The following SNRNP40 variants were observed in gnomAD, a reference collection of about 807,000 sequenced individuals.
SNRNP40 encodes the protein small nuclear ribonucleoprotein U5 subunit 40, also known as U5 small nuclear ribonucleoprotein 40 kDa protein.
A neutral mutation model predicts 45.8 loss-of-function variants in SNRNP40; 21 were observed. The ratio of observed to expected loss-of-function variants is 0.46; its 90% CI spans 0.32 to 0.66. The LOEUF (loss-of-function observed/expected upper bound fraction) is 0.66. SNRNP40 is among the 30% of genes least tolerant of loss of function. SNRNP40 has a pLI of 0.03. For missense variants in SNRNP40, 344 were observed against 439.1 expected (o/e 0.78, Z 1.94); for synonymous variants, 142 against 163.8 (o/e 0.87, Z 1.01).
chr1:31,267,596 C>T (rs1036944161), intron 8 of SNRNP40, among the ~76,000 whole-genome samples: 14 of 152,096 alleles, frequency 9.2e-5, no homozygotes, highest in Non-Finnish European at 1.9e-4. Flanking sequence ...AGTGCAACGG[C>T]GTGATCTCGG....
At chr1:31,269,124 G>C (rs1315516126) in intron 7 of SNRNP40, 34 bp downstream of exon 7, 1 of 1,533,976 alleles carries the variant, frequency 6.5e-7, no homozygotes, top group Non-Finnish European at 8.8e-7. Flanking sequence ...TGAAGTAAAT[G>C]AACAGTAAAA....
chr1:31,260,189 T>A, intron 9 of SNRNP40, 68 bp from the exon 10 acceptor site: 1 of 1,126,804 alleles, frequency 8.9e-7, no homozygotes, highest in Non-Finnish European at 1.3e-6. Flanking sequence ...CAAGGGCTCT[T>A]GTGTCAAGAG....
At chr1:31,264,140 A>T (rs1645880442) in intron 8 of SNRNP40, among the ~76,000 whole-genome samples, 2 of 152,178 alleles carry the variant, frequency 1.3e-5, no homozygotes, top group African/African-American at 4.8e-5. Flanking sequence ...ATTCACCAGT[A>T]CTGGATTATA....
In SNRNP40 at chr1:31,262,542, AAAGAGG is replaced by A. The variant is rs1645866321; in HGVS notation, c.921-916_921-911del. ...TCTCCAAAAAAAAAAAAAAAAAAAA[AAAGAGG>A]AGAAAAAAGAAATCAGCTTCTCTAA... is the stretch of plus-strand genomic sequence containing the variant. On this transcript the variant is annotated intron_variant, in intron 8 of 9. Coordinates refer to ENST00000263694, the MANE Select transcript of SNRNP40 (RefSeq NM_004814.3). 1.8e-5 allele frequency among the ~76,000 whole-genome samples: 2 copies of A among 110,242 alleles called. 1 individual carries two copies. The highest frequency in any genetic ancestry group is 4.0e-5 in the Non-Finnish European group (2 of 49,982). The allele number at this position is 110,242 out of a possible 152,430, so 72.3% of individuals were successfully genotyped here. A position where few individuals can be genotyped will look rare whatever the true frequency, so the allele number is the denominator to read the frequency against.
chr1:31,274,377 C>G (rs532733649), intron 5 of SNRNP40, among the ~76,000 whole-genome samples: 1 of 152,150 alleles, frequency 6.6e-6, no homozygotes, highest in Admixed American at 6.5e-5. Flanking sequence ...GCTGGGACTA[C>G]AGGCGCGCAC....
chr1:31,283,320 A>G (rs901146276), intron 4 of SNRNP40, among the ~76,000 whole-genome samples: 1 of 152,142 alleles, frequency 6.6e-6, no homozygotes, highest in Admixed American at 6.5e-5. Context: ...TTCACTAAAC[A>G]GGCCGGGCAT....
intron 4 of SNRNP40, among the ~76,000 whole-genome samples, chr1:31,288,748 C>CT (rs1470752372): frequency 2.7e-5 from 4 of 149,700 alleles, no homozygotes; most frequent in East Asian, 2.0e-4. Flanking sequence ...TGTCACAGTT[C>CT]TTTTTTTTGA....
intron 2 of SNRNP40, 92 bp downstream of exon 2, chr1:31,293,127 T>G: frequency 7.2e-7 from 1 of 1,398,212 alleles, no homozygotes; most frequent in Non-Finnish European, 1.0e-6. Context: ...GTTGCCAACA[T>G]AGAGTGATAC....
chr1:31,296,542 C>A (rs910315410), intron 1 of SNRNP40, 69 bp downstream of exon 1: 2 of 1,523,968 alleles, frequency 1.3e-6, no homozygotes, highest in Non-Finnish European at 1.8e-6. Flanking sequence ...GGTCAGGGAT[C>A]ACCAGATACA....
At chr1:31,284,348 C>A (rs984659494) in intron 4 of SNRNP40, among the ~76,000 whole-genome samples, 33 of 152,214 alleles carry the variant, frequency 2.2e-4, no homozygotes, top group African/African-American at 7.7e-4. Context: ...GGGGGTTTCA[C>A]CATGTTGGCC....
intron 3 of SNRNP40, among the ~76,000 whole-genome samples, chr1:31,291,627 T>C (rs1443370377): frequency 6.6e-6 from 1 of 152,098 alleles, no homozygotes; most frequent in Non-Finnish European, 1.5e-5. Flanking sequence ...CAGTGAGCCA[T>C]GTTTGTGTCA....
At chr1:31,262,733 T>C (rs148755600) in intron 8 of SNRNP40, among the ~76,000 whole-genome samples, 1 of 151,862 alleles carries the variant, frequency 6.6e-6, no homozygotes, top group East Asian at 1.9e-4. Flanking sequence ...TAAAAAAAAT[T>C]ATGAGGCTGG....
rs16834342 is a variant in SNRNP40 at position 31,281,616 on chromosome 1, A to G, written c.532-120T>C. 4,652 of 815,354 alleles carry G rather than the reference A, an allele frequency of 5.7e-3. 50 individuals carry two copies. The highest frequency in any genetic ancestry group is 0.032 in the African/African-American group (1,886 of 59,110). 50.5% of individuals were successfully genotyped at this position (815,354 alleles called of 1,614,324 possible). A position where few individuals can be genotyped will look rare whatever the true frequency, so the allele number is the denominator to read the frequency against. On this transcript the variant is annotated intron_variant, in intron 4 of 9. Transcript: ENST00000263694. ...TGAACACATCTATAATTGGGATCCT[A>G]TATCACTAACTCCTGGATATCCTAA...
intron 5 of SNRNP40, among the ~76,000 whole-genome samples, chr1:31,271,751 C>T (rs896304297): frequency 6.6e-6 from 1 of 151,718 alleles, no homozygotes; most frequent in South Asian, 2.1e-4. Flanking sequence ...TCAGGTGATT[C>T]TCCCATCTAA....
intron 1 of SNRNP40, 137 bp downstream of exon 1, chr1:31,296,473 TG>T: frequency 8.5e-7 from 1 of 1,175,462 alleles, no homozygotes; most frequent in Non-Finnish European, 1.2e-6. Context: ...GCTTTTACAG[TG>T]TTTATGTGCT....
intron 3 of SNRNP40, 129 bp downstream of exon 3, chr1:31,291,784 A>G: frequency 1.6e-6 from 1 of 643,470 alleles, no homozygotes; most frequent in South Asian, 1.8e-5. Flanking sequence ...ACAGTGATAA[A>G]TCGGATACTA....
chr1:31,280,278 T>A (rs986099556), intron 5 of SNRNP40, among the ~76,000 whole-genome samples: 7 of 151,040 alleles, frequency 4.6e-5, no homozygotes, highest in Non-Finnish European at 1.0e-4. Flanking sequence ...ATCTCCTGCC[T>A]TAGCCTCCTG....
At chr1:31,274,577 C>T (rs372435708) in intron 5 of SNRNP40, among the ~76,000 whole-genome samples, 1 of 149,686 alleles carries the variant, frequency 6.7e-6, no homozygotes, top group East Asian at 2.0e-4. Context: ...GATGAGACCT[C>T]CTAAAGTGCA....
intron 8 of SNRNP40, among the ~76,000 whole-genome samples, chr1:31,263,951 A>C (rs1645878648): frequency 6.6e-6 from 1 of 150,494 alleles, no homozygotes; most frequent in South Asian, 2.1e-4. Context: ...TTTGACCCTC[A>C]ATCTTGCTTA....
Sources: gnomAD v4.1 joint callset for allele counts (sites outside exome capture counted in the v4.1 genomes callset) on GRCh38, gnomAD v4.1.1 for gene constraint, MANE v1.5 for transcripts, NCBI Gene and HGNC (gene_info 2026-07-23, HGNC 2026-07-21) for gene names.